Variants in C10orf90 observed in about 807,000 individuals in gnomAD.
C10orf90 encodes the protein (E2-independent) E3 ubiquitin-conjugating enzyme FATS.
In C10orf90, 56 loss-of-function variants were observed where a neutral mutation model predicts 62.5. The observed-to-expected ratio is 0.90, with a 90% CI of 0.72 to 1.12. The LOEUF is 1.12. C10orf90 is among the 50% of genes most tolerant of loss of function. C10orf90 has a pLI of 0.00. For missense variants in C10orf90, 970 were observed against 880.4 expected (o/e 1.10, Z -1.29); for synonymous variants, 386 against 340.4 (o/e 1.13, Z -1.47).
At chr10:126,638,416 G>A (rs1845996108) in intron 2 of C10orf90, among the ~76,000 whole-genome samples, 1 of 152,074 alleles carries the variant, frequency 6.6e-6, no homozygotes, top group Non-Finnish European at 1.5e-5. Flanking sequence ...TGCCTGGTTG[G>A]TGTCCACACT....
At chr10:126,441,571 G>A (rs1858331539) in intron 7 of C10orf90, among the ~76,000 whole-genome samples, 1 of 152,132 alleles carries the variant, frequency 6.6e-6, no homozygotes. Context: ...CATCGCCTAG[G>A]CACATTGTCA....
At chr10:126,469,991 C>G (rs903464304) in intron 4 of C10orf90, 6 of 456,652 alleles carry the variant, frequency 1.3e-5, no homozygotes, top group African/African-American at 1.2e-4. Context: ...AGGCATTCTT[C>G]TGCATGTTGT....
chr10:126,565,616 C>T (rs1434302184), intron 2 of C10orf90, among the ~76,000 whole-genome samples: 1 of 151,244 alleles, frequency 6.6e-6, no homozygotes, highest in Non-Finnish European at 1.5e-5. Flanking sequence ...GCGGTCCAGG[C>T]TCTGCACTTG....
At chr10:126,491,582 G>A (rs570342907) in intron 4 of C10orf90, among the ~76,000 whole-genome samples, 3 of 152,284 alleles carry the variant, frequency 2.0e-5, no homozygotes, top group Non-Finnish European at 4.4e-5. Flanking sequence ...AATGAAGTAC[G>A]TGAAATGCTA....
At chr10:126,593,896 C>T (rs953598889) in intron 2 of C10orf90, among the ~76,000 whole-genome samples, 7 of 151,896 alleles carry the variant, frequency 4.6e-5, no homozygotes, top group Admixed American at 2.0e-4. Context: ...GGCAGGATAT[C>T]GTCTGCCATA....
intron 2 of C10orf90, among the ~76,000 whole-genome samples, chr10:126,615,026 G>GT: frequency 6.6e-6 from 1 of 152,258 alleles, no homozygotes; most frequent in South Asian, 2.1e-4. Context: ...ATGGTTCCAG[G>GT]TGGCCTTGCT....
chr10:126,636,851 T>G (rs762174526), intron 2 of C10orf90, among the ~76,000 whole-genome samples: 31 of 152,160 alleles, frequency 2.0e-4, no homozygotes, highest in Non-Finnish European at 3.8e-4. Context: ...TTATTAACAA[T>G]ATTTCACCAA....
intron 2 of C10orf90, among the ~76,000 whole-genome samples, chr10:126,631,173 C>A (rs1443712632): frequency 2.0e-5 from 3 of 152,188 alleles, no homozygotes; most frequent in Non-Finnish European, 4.4e-5. Flanking sequence ...AAGCCTGTCA[C>A]TCCCTCCTTT....
intron 2 of C10orf90, among the ~76,000 whole-genome samples, chr10:126,632,724 T>TC (rs1315141507): frequency 6.6e-6 from 1 of 152,164 alleles, no homozygotes; most frequent in African/African-American, 2.4e-5. Flanking sequence ...GGTCTGTATT[T>TC]CCACCTCTAG....
intron 4 of C10orf90, among the ~76,000 whole-genome samples, chr10:126,495,233 G>A (rs1277435832): frequency 6.6e-6 from 1 of 152,186 alleles, no homozygotes; most frequent in Non-Finnish European, 1.5e-5. Flanking sequence ...CATTGGATGA[G>A]TGTGTTTTGG....
intron 1 of C10orf90, among the ~76,000 whole-genome samples, chr10:126,658,888 T>C (rs945916770): frequency 1.3e-5 from 2 of 152,212 alleles, no homozygotes; most frequent in Non-Finnish European, 1.5e-5. Context: ...CCATTGCTCC[T>C]AGCCCTTTCC....
chr10:126,615,025 G>A lies in C10orf90; in HGVS notation c.313+31540C>T, dbSNP rs371709118. On this transcript the variant is annotated intron_variant, in intron 2 of 9. Transcript: ENST00000488181. Reference sequence around the variant, plus strand: ...GCTTGACTGAGGCTAGATGGTTCCAGGTGGCCTTGCTTCCATGCCTGGGTC... The same window carrying A: ...GCTTGACTGAGGCTAGATGGTTCCAAGTGGCCTTGCTTCCATGCCTGGGTC... Among the ~76,000 whole-genome samples, 8 of 152,274 alleles carry A rather than the reference G, an allele frequency of 5.3e-5. No homozygotes were observed. The South Asian group carries it at 1.2e-3, about 24-fold the overall frequency.
At chr10:126,580,513 C>T (rs7915815) in intron 2 of C10orf90, among the ~76,000 whole-genome samples, 90,132 of 151,464 alleles carry the variant, frequency 0.6, 27,188 homozygotes, top group African/African-American at 0.69. Context: ...ATCAGCCAGG[C>T]GCAGTGGTGG....
At chr10:126,438,312 G>A (rs910011601) in intron 7 of C10orf90, among the ~76,000 whole-genome samples, 2 of 152,194 alleles carry the variant, frequency 1.3e-5, no homozygotes, top group African/African-American at 4.8e-5. Context: ...TATGGAAAAT[G>A]GCAAATTGAA....
At chr10:126,595,657 C>A (rs778766736) in intron 2 of C10orf90, among the ~76,000 whole-genome samples, 1 of 152,058 alleles carries the variant, frequency 6.6e-6, no homozygotes, top group Non-Finnish European at 1.5e-5. Flanking sequence ...CTCTGGGCCC[C>A]GTTCCCCCAT....
chr10:126,605,075 T>C (rs745692912), intron 2 of C10orf90, among the ~76,000 whole-genome samples: 4 of 152,260 alleles, frequency 2.6e-5, no homozygotes, highest in Non-Finnish European at 4.4e-5. Flanking sequence ...TGTTACTTCA[T>C]GTCTTCAGTC....
At chr10:126,486,128 AGGACAGG>A (rs1288482021) in intron 4 of C10orf90, among the ~76,000 whole-genome samples, 3 of 152,202 alleles carry the variant, frequency 2.0e-5, no homozygotes, top group Non-Finnish European at 4.4e-5. Context: ...TGTCAAATAG[AGGACAGG>A]GGACTAAACA....
rs1269378553 is a variant in C10orf90 at position 126,461,414 on chromosome 10, G to T, written c.1997C>A (p.Ser666Tyr). 4 of 1,614,078 alleles carry T rather than the reference G, an allele frequency of 2.5e-6. No homozygotes were observed. The Admixed American group carries it at 6.7e-5, about 27-fold the overall frequency. Reference sequence around the variant, plus strand: ...AGAAGGCCTTACTTGCAAGGTCAAAGATCTTGCAGGCGTTTGCTGAGACTC... The same window carrying T: ...AGAAGGCCTTACTTGCAAGGTCAAATATCTTGCAGGCGTTTGCTGAGACTC... The part of the protein sequence containing the change: ...CSESQQTPAR[S>Y]LTLQEALEVR... Residue 666 changes from serine (S) to tyrosine (Y), a missense_variant, in exon 6 of 10, where the codon TCT becomes TAT. By Grantham distance (144) the Ser-to-Tyr change is moderately radical. Coordinates refer to ENST00000488181, the MANE Select transcript of C10orf90 (RefSeq NM_001350921.2).
At chr10:126,432,093 TC>T (rs1164260796) in intron 7 of C10orf90, among the ~76,000 whole-genome samples, 1 of 152,186 alleles carries the variant, frequency 6.6e-6, no homozygotes, top group Non-Finnish European at 1.5e-5. Context: ...TCCTAATGGT[TC>T]CCAAGCTCAT....
Sources: gnomAD v4.1 joint callset for allele counts (sites outside exome capture counted in the v4.1 genomes callset) on GRCh38, gnomAD v4.1.1 for gene constraint, MANE v1.5 for transcripts, NCBI Gene and HGNC (gene_info 2026-07-23, HGNC 2026-07-21) for gene names.